The following RAB11FIP3 variants were observed in gnomAD, a reference collection of about 807,000 sequenced individuals.
The protein encoded by RAB11FIP3 is rab11 family-interacting protein 3.
RAB11FIP3 carries 17 observed loss-of-function variants against 77.8 expected under a neutral mutation model. The observed-to-expected ratio is 0.22, with a 90% CI of 0.15 to 0.33. RAB11FIP3 has a LOEUF of 0.33. Ranked by LOEUF, RAB11FIP3 falls within the 10% of genes least tolerant of loss-of-function variation. The pLI, the probability that RAB11FIP3 is intolerant of heterozygous loss-of-function variation, is 1.00. For missense variants in RAB11FIP3, 1,005 were observed against 1,011.2 expected, an observed-to-expected ratio of 0.99 and a Z score of 0.08; for synonymous variants, 437 against 448.2, an observed-to-expected ratio of 0.98 and a Z score of 0.31.
chr16:449,834 C>A (rs1015826717), intron 1 of RAB11FIP3, among the ~76,000 whole-genome samples: 11 of 150,760 alleles, frequency 7.3e-5, no homozygotes, highest in Non-Finnish European at 1.6e-4. Flanking sequence ...ATCTGTAATC[C>A]CAGCTGTTGC....
In RAB11FIP3 at chr16:465,580, C is replaced by T. The variant is rs145526314; in HGVS notation, c.808+4083C>T. Among the ~76,000 whole-genome samples, 536 of 152,150 alleles carry T rather than the reference C, an allele frequency of 3.5e-3. 1 individual carries two copies. The highest frequency in any genetic ancestry group is 6.2e-3 in the Admixed American group (95 of 15,266). On this transcript the variant is annotated intron_variant, in intron 2 of 13. Transcript: ENST00000262305. ...ATGCGAGCTTAGAGGGGAGTGTGGG[C>T]GGCCTGTCAGTAGCCACGGCCTCTC...
chr16:475,802 C>T (rs1028614223), intron 3 of RAB11FIP3, among the ~76,000 whole-genome samples: 1 of 152,206 alleles, frequency 6.6e-6, no homozygotes, highest in Non-Finnish European at 1.5e-5. Flanking sequence ...GTGGGATCTA[C>T]AGTGCACGGA....
intron 6 of RAB11FIP3, among the ~76,000 whole-genome samples, chr16:498,603 A>G (rs545565400): frequency 4.6e-5 from 7 of 152,218 alleles, no homozygotes; most frequent in East Asian, 1.9e-4. Flanking sequence ...TTCACTTCCC[A>G]GACCTCCCAA....
At chr16:486,527 A>G (rs2056157454) in intron 4 of RAB11FIP3, among the ~76,000 whole-genome samples, 2 of 152,162 alleles carry the variant, frequency 1.3e-5, no homozygotes, top group Non-Finnish European at 2.9e-5. Flanking sequence ...CTTTTGGGGG[A>G]CACACATTTT....
intron 5 of RAB11FIP3, chr16:489,232 G>C: frequency 1.8e-6 from 1 of 569,328 alleles, no homozygotes; most frequent in South Asian, 2.4e-5. Context: ...TGAGGCTTCA[G>C]CAAAATCCTG....
Position 519,157 on chromosome 16 carries a change from G to A in RAB11FIP3, c.1722+133G>A, listed in dbSNP as rs1462038985. 1.1e-5 allele frequency: 10 copies of A among 936,134 alleles called. No homozygotes were observed. In the East Asian group the frequency reaches 2.3e-4, roughly 21 times the overall value. The allele number at this position is 936,134 out of a possible 1,614,324, so 58.0% of individuals were successfully genotyped here. A position where few individuals can be genotyped will look rare whatever the true frequency, so the allele number is the denominator to read the frequency against. On this transcript the variant is annotated intron_variant, in intron 10 of 13. Transcript: ENST00000262305. ...TGTGTGAGGGAACGGGGCCAGCTCA[G>A]GGCCCAGGCCGCTGGAAGACACTGG...
chr16:439,460 A>G (rs1462838103), intron 1 of RAB11FIP3: 8 of 152,244 alleles, frequency 5.3e-5, no homozygotes, highest in Admixed American at 1.3e-4. Flanking sequence ...TGTGTTTATC[A>G]TAAGTTTCAA....
At chr16:519,548 G>A (rs1182988838) in intron 10 of RAB11FIP3, among the ~76,000 whole-genome samples, 1 of 152,244 alleles carries the variant, frequency 6.6e-6, no homozygotes, top group Non-Finnish European at 1.5e-5. Flanking sequence ...CTCGTGGCCT[G>A]CGTGTGCGCC....
intron 1 of RAB11FIP3, among the ~76,000 whole-genome samples, chr16:431,788 G>A (rs1309439145): frequency 6.7e-6 from 1 of 149,926 alleles, no homozygotes; most frequent in African/African-American, 2.5e-5. Context: ...ATGGAGTCTC[G>A]CTCTGTCACC....
chr16:463,913 C>T (rs1242394175), intron 2 of RAB11FIP3, among the ~76,000 whole-genome samples: 2 of 152,134 alleles, frequency 1.3e-5, no homozygotes, highest in Admixed American at 6.5e-5. Context: ...CTGCTGTCAG[C>T]GTAGCAGGCC....
chr16:438,404 C>CTTTT (rs753481865), intron 1 of RAB11FIP3, among the ~76,000 whole-genome samples: 9 of 118,842 alleles, frequency 7.6e-5, no homozygotes, highest in African/African-American at 1.6e-4. Flanking sequence ...CTGCGTCCGG[C>CTTTT]TTTTTTTTTT....
Position 450,942 on chromosome 16 carries a change from G to A in RAB11FIP3, c.715-10462G>A, listed in dbSNP as rs144709708. ...GACCTGAAGTGCAGGAAGGAGCCCC[G>A]CGGCCTTCTGTTACCGCAGCGCTCT... is the stretch of plus-strand genomic sequence containing the variant. On this transcript the variant is annotated intron_variant, in intron 1 of 13. Coordinates refer to ENST00000262305, the MANE Select transcript of RAB11FIP3 (RefSeq NM_014700.4). Among the ~76,000 whole-genome samples the A allele has an allele frequency of 6.2e-4, 94 of 150,464 alleles. No individual in the cohort carries two copies. In the East Asian group the frequency reaches 0.014, roughly 22 times the overall value.
At chr16:470,766 T>C (rs949232372) in intron 2 of RAB11FIP3, among the ~76,000 whole-genome samples, 1 of 152,160 alleles carries the variant, frequency 6.6e-6, no homozygotes, top group Admixed American at 6.5e-5. Context: ...CTTTAAAGTT[T>C]TTCTCATAGA....
chr16:503,202 G>A, intron 7 of RAB11FIP3, 105 bp downstream of exon 7: 4 of 865,754 alleles, frequency 4.6e-6, no homozygotes, highest in Non-Finnish European at 7.1e-6. Flanking sequence ...CACAGCCGGA[G>A]GTGACCCCAT....
Position 503,061 on chromosome 16 carries a change from G to A in RAB11FIP3, c.1359G>A (p.Glu453=). Residue 453 remains glutamate, a synonymous_variant, in exon 7 of 14, where the codon GAG becomes GAA. Transcript: ENST00000262305. Reference sequence around the variant, plus strand: ...AGGCCCTGGAGGACCCTTCCCCCGAGCTCATGGAGGGCCCAGAGGAGGACA... The same window carrying A: ...AGGCCCTGGAGGACCCTTCCCCCGAACTCATGGAGGGCCCAGAGGAGGACA... The part of the protein sequence containing the change: ...TMEALEDPSP[E]LMEGPEEDIA... 1 of 1,613,164 alleles carries A rather than the reference G, an allele frequency of 6.2e-7. No individual in the cohort carries two copies. The highest frequency in any genetic ancestry group is 8.5e-7 in the Non-Finnish European group (1 of 1,179,716).
chr16:516,270 C>T lies in RAB11FIP3; in HGVS notation c.1641-2673C>T, dbSNP rs1174583013. On this transcript the variant is annotated intron_variant, in intron 9 of 13. Coordinates refer to ENST00000262305, the MANE Select transcript of RAB11FIP3 (RefSeq NM_014700.4). The stretch of plus-strand genomic sequence containing the variant: ...GCAGGTTGGATTGAATTAGAAGGGA[C>T]GGCAGGGTAACGGGATGGTGAGGAC... 3.3e-5 allele frequency among the ~76,000 whole-genome samples: 5 copies of T among 152,096 alleles called. No homozygotes were observed. The South Asian group carries it at 6.2e-4, about 19-fold the overall frequency.
At chr16:483,907 C>T (rs968903570) in intron 4 of RAB11FIP3, among the ~76,000 whole-genome samples, 2 of 152,116 alleles carry the variant, frequency 1.3e-5, no homozygotes, top group Non-Finnish European at 2.9e-5. Flanking sequence ...GCCCGTCCCC[C>T]GCTTAGAGCC....
Position 437,132 on chromosome 16 carries a change from G to T in RAB11FIP3, c.714+10412G>T, listed in dbSNP as rs182420661. On this transcript the variant is annotated intron_variant, in intron 1 of 13. Transcript: ENST00000262305. Reference sequence around the variant, plus strand: ...GTCCCTACTAAAAATACAAAAATTAGCTGGGTGTGGTGGCGGGCACCTATA... The same window carrying T: ...GTCCCTACTAAAAATACAAAAATTATCTGGGTGTGGTGGCGGGCACCTATA... 7.0e-3 allele frequency among the ~76,000 whole-genome samples: 1,059 copies of T among 151,992 alleles called. 14 individuals carry two copies. Among genetic ancestry groups the T allele is most frequent in the African/African-American group, 0.024 (979 of 41,424 alleles).
intron 2 of RAB11FIP3, among the ~76,000 whole-genome samples, chr16:462,758 A>G (rs1285930363): frequency 3.2e-5 from 2 of 61,622 alleles, no homozygotes; most frequent in Non-Finnish European, 6.1e-5. Context: ...GCACCGCACC[A>G]TCCCTTCCCC....
Sources: gnomAD v4.1 joint callset for allele counts (sites outside exome capture counted in the v4.1 genomes callset) on GRCh38, gnomAD v4.1.1 for gene constraint, MANE v1.5 for transcripts, NCBI Gene and HGNC (gene_info 2026-07-23, HGNC 2026-07-21) for gene names.